The following NAV3 variants were observed in gnomAD, a reference collection of about 807,000 sequenced individuals.
NAV3 encodes neuron navigator 3.
NAV3 carries 87 observed loss-of-function variants against 244.7 expected under a neutral mutation model. The ratio of observed to expected loss-of-function variants is 0.36; its 90% CI spans 0.30 to 0.42. The LOEUF is 0.42. Ranked by LOEUF, NAV3 falls within the 20% of genes least tolerant of loss-of-function variation. The pLI is 1.00. For synonymous variants in NAV3, 1,126 were observed against 1,042.2 expected, an observed-to-expected ratio of 1.08 and a Z score of -1.55; for missense variants, 2,663 against 2,893.3, an observed-to-expected ratio of 0.92 and a Z score of 1.83.
At chr12:78,070,296 CA>C (rs1952690069) in intron 12 of NAV3, among the ~76,000 whole-genome samples, 1 of 151,972 alleles carries the variant, frequency 6.6e-6, no homozygotes, top group Non-Finnish European at 1.5e-5. Context: ...ATACTATAAT[CA>C]ATGCCTTTTT....
At chr12:77,830,538 T>C (rs184231086), upstream of NAV3, among the ~76,000 whole-genome samples, 144 of 152,354 alleles carry the variant, frequency 9.5e-4, no homozygotes, top group African/African-American at 3.2e-3. Flanking sequence ...ACTTATTAAA[T>C]TTGGGAACAA....
intron 2 of NAV3, among the ~76,000 whole-genome samples, chr12:77,596,137 C>A (rs1273141234): frequency 1.3e-5 from 2 of 152,166 alleles, no homozygotes; most frequent in Admixed American, 6.6e-5. Context: ...GTCCATATCA[C>A]AGCTCTGGTA....
At chr12:77,595,925 A>C (rs1316797018) in intron 2 of NAV3, among the ~76,000 whole-genome samples, 1 of 152,236 alleles carries the variant, frequency 6.6e-6, no homozygotes, top group African/African-American at 2.4e-5. Context: ...ATTTGCCTAG[A>C]CATAAATATT....
chr12:77,600,196 C>T (rs949494649), intron 2 of NAV3, among the ~76,000 whole-genome samples: 2 of 151,942 alleles, frequency 1.3e-5, no homozygotes, highest in Non-Finnish European at 2.9e-5. Context: ...GATGTTTATG[C>T]TTAAATATTT....
chr12:77,914,279 A>G (rs942782214), intron 1 of NAV3, among the ~76,000 whole-genome samples: 1 of 152,084 alleles, frequency 6.6e-6, no homozygotes, highest in African/African-American at 2.4e-5. Flanking sequence ...CAAAGGCTTC[A>G]TTCATTTATT....
At chr12:78,073,418 G>A (rs1952882830) in intron 12 of NAV3, among the ~76,000 whole-genome samples, 1 of 151,314 alleles carries the variant, frequency 6.6e-6, no homozygotes, top group Non-Finnish European at 1.5e-5. Flanking sequence ...GCCAAATCAT[G>A]AGTGAACTCC....
intron 3 of NAV3, among the ~76,000 whole-genome samples, chr12:77,957,965 A>G (rs1300857322): frequency 6.6e-6 from 1 of 152,108 alleles, no homozygotes; most frequent in Non-Finnish European, 1.5e-5. Flanking sequence ...GTGCCCTGCC[A>G]ATATCAGTGT....
chr12:78,168,502 A>G (rs1957871454), intron 23 of NAV3, among the ~76,000 whole-genome samples: 1 of 151,744 alleles, frequency 6.6e-6, no homozygotes, highest in South Asian at 2.1e-4. Flanking sequence ...CCACCTTTGA[A>G]AGGAATAAAG....
At chr12:77,592,360 T>C (rs1300197266) in intron 2 of NAV3, among the ~76,000 whole-genome samples, 2 of 152,190 alleles carry the variant, frequency 1.3e-5, no homozygotes, top group Non-Finnish European at 1.5e-5. Context: ...TTTTGATACA[T>C]GTCAAAGCTG....
In NAV3 at chr12:77,966,264, A is replaced by T; in HGVS notation, c.450A>T (p.Ala150=). Residue 150 remains alanine, a synonymous_variant, in exon 4 of 40, where the codon GCA becomes GCT. Coordinates refer to ENST00000397909, the MANE Select transcript of NAV3 (RefSeq NM_001024383.2). ...ENVDVCLSFL[A]ARGVNVQGLS... ...TTGATGTCTGCCTTAGTTTTCTAGC[A>T]GCCAGAGGGGTAAATGTTCAAGGTC... 6.2e-7 allele frequency: 1 copy of T among 1,613,740 alleles called. No homozygotes were observed.
chr12:77,801,952 C>T (rs1469052962), intron 2 of NAV3, among the ~76,000 whole-genome samples: 1 of 152,136 alleles, frequency 6.6e-6, no homozygotes, highest in Non-Finnish European at 1.5e-5. Context: ...CTCTACTCTT[C>T]ATAGTATTTT....
At chr12:77,579,563 AGGGTGGAG>A (rs1289746114) in intron 2 of NAV3, among the ~76,000 whole-genome samples, 6 of 152,182 alleles carry the variant, frequency 3.9e-5, no homozygotes, top group Non-Finnish European at 7.3e-5. Flanking sequence ...CCCAACCATG[AGGGTGGAG>A]CCCTCAGTAC....
intron 38 of NAV3, among the ~76,000 whole-genome samples, chr12:78,202,968 T>C (rs1959879582): frequency 1.3e-5 from 2 of 152,098 alleles, no homozygotes; most frequent in Non-Finnish European, 2.9e-5. Context: ...CTCTTAAGTT[T>C]AGAGTAATAA....
chr12:78,018,523 A>C (rs1876613266), intron 8 of NAV3, among the ~76,000 whole-genome samples: 1 of 152,222 alleles, frequency 6.6e-6, no homozygotes, highest in Non-Finnish European at 1.5e-5. Context: ...ACATGGCCAG[A>C]AACATTCTTG....
At chr12:78,134,290 C>A (rs1956284990) in intron 18 of NAV3, among the ~76,000 whole-genome samples, 1 of 152,170 alleles carries the variant, frequency 6.6e-6, no homozygotes, top group African/African-American at 2.4e-5. Flanking sequence ...GAGACCACAT[C>A]TGGTTCAACC....
intron 2 of NAV3, among the ~76,000 whole-genome samples, chr12:77,779,454 C>T (rs1239056999): frequency 6.6e-6 from 1 of 152,142 alleles, no homozygotes; most frequent in African/African-American, 2.4e-5. Context: ...ACAGGTAGGC[C>T]ACCATGTTGT....
At chr12:77,714,653 T>C (rs1876281398) in intron 2 of NAV3, among the ~76,000 whole-genome samples, 1 of 152,186 alleles carries the variant, frequency 6.6e-6, no homozygotes, top group Non-Finnish European at 1.5e-5. Context: ...ACCTACAGTT[T>C]TGCTTATAAT....
intron 2 of NAV3, among the ~76,000 whole-genome samples, chr12:77,654,585 C>T (rs552952157): frequency 6.6e-6 from 1 of 152,252 alleles, no homozygotes; most frequent in South Asian, 2.1e-4. Flanking sequence ...CCCTGTCTGA[C>T]AGCTTTGAGG....
intron 5 of NAV3, among the ~76,000 whole-genome samples, chr12:77,976,666 C>CTTTCTTTTTTTTTTTTTTTTTT (rs1446044531): frequency 1.7e-5 from 1 of 58,062 alleles, no homozygotes; most frequent in African/African-American, 6.5e-5. Context: ...TTCTTTCTTT[C>CTTTCTTTTTTTTTTTTTTTTTT]TTTTTTTCTT....
Sources: allele counts gnomAD v4.1 joint callset (sites outside exome capture counted in the v4.1 genomes callset), GRCh38; gene constraint gnomAD v4.1.1; transcripts MANE v1.5; gene names NCBI Gene and HGNC (gene_info 2026-07-23, HGNC 2026-07-21).